The following POLR3G variants were observed in gnomAD, a reference collection of about 807,000 sequenced individuals.
POLR3G encodes RNA polymerase III subunit G.
In POLR3G, 28 loss-of-function variants were observed where a neutral mutation model predicts 30.1. The ratio of observed to expected loss-of-function variants is 0.93; its 90% CI spans 0.69 to 1.27. POLR3G has a LOEUF of 1.27. Among genes scored for constraint, POLR3G ranks in the 50% most tolerant of loss-of-function variants. The pLI is 0.00. For missense variants in POLR3G, 254 were observed against 264.6 expected (o/e 0.96, Z 0.28); for synonymous variants, 79 against 82.5 (o/e 0.96, Z 0.23).
rs1580187993 is a variant in POLR3G at position 90,475,963 on chromosome 5, G to A, written c.-44+943G>A. Reference sequence around the variant, plus strand: ...TGACCTCAAATGATCCGCCTGCCTCGGCCTCCCAAAGTGCTGGGATTACAG... The same window carrying A: ...TGACCTCAAATGATCCGCCTGCCTCAGCCTCCCAAAGTGCTGGGATTACAG... On this transcript the variant is annotated intron_variant, in intron 1 of 7. Transcript: ENST00000651687. 3.9e-5 allele frequency among the ~76,000 whole-genome samples: 6 copies of A among 152,100 alleles called. No homozygotes were observed. In the East Asian group the frequency reaches 7.7e-4, roughly 20 times the overall value.
intron 1 of POLR3G, among the ~76,000 whole-genome samples, chr5:90,475,918 C>T (rs1355327950): frequency 1.3e-5 from 2 of 152,038 alleles, no homozygotes; most frequent in Non-Finnish European, 2.9e-5. Context: ...ACCATGTTGG[C>T]CAGGCTGGTC....
intron 6 of POLR3G, chr5:90,502,525 T>G: frequency 7.1e-6 from 3 of 423,708 alleles, no homozygotes; most frequent in Non-Finnish European, 9.5e-6. Flanking sequence ...AAAAATTTAA[T>G]TTTTCAAAAA....
At chr5:90,504,871 A>G (rs779635975) in intron 6 of POLR3G, among the ~76,000 whole-genome samples, 1 of 152,346 alleles carries the variant, frequency 6.6e-6, no homozygotes, top group East Asian at 1.9e-4. Flanking sequence ...AGGGATTGCC[A>G]GTTGGAAAAA....
At chr5:90,509,696 C>T (rs1333890193) in intron 7 of POLR3G, among the ~76,000 whole-genome samples, 2 of 152,084 alleles carry the variant, frequency 1.3e-5, no homozygotes, top group Admixed American at 6.5e-5. Context: ...TGGAGAGAGG[C>T]TTGCAGGTGA....
At position 90,489,835 on chromosome 5, in the gene POLR3G, G is replaced by A. The variant is rs867369176; in HGVS notation, c.247+1706G>A. Among the ~76,000 whole-genome samples, 32 of 152,210 alleles carry A rather than the reference G, an allele frequency of 2.1e-4. 1 individual carries two copies. The highest frequency in any genetic ancestry group is 7.0e-4 in the African/African-American group (29 of 41,544). On this transcript the variant is annotated intron_variant, in intron 3 of 7. Transcript: ENST00000651687. ...AAGTATGTCAAATCAGACTGGACACGGTGGCTTACTCTTGTAATCCTAGCA... is the reference window on the plus strand; with the variant it reads ...AAGTATGTCAAATCAGACTGGACACAGTGGCTTACTCTTGTAATCCTAGCA...
At chr5:90,493,676 A>ATTT (rs70999488) in intron 3 of POLR3G, among the ~76,000 whole-genome samples, 1 of 51,466 alleles carries the variant, frequency 1.9e-5, no homozygotes, top group Non-Finnish European at 3.9e-5. Context: ...CCACTATTTA[A>ATTT]TTTTTTTTTT....
At chr5:90,481,125 A>G (rs1479999205) in intron 1 of POLR3G, among the ~76,000 whole-genome samples, 1 of 152,192 alleles carries the variant, frequency 6.6e-6, no homozygotes, top group Non-Finnish European at 1.5e-5. Flanking sequence ...CCATTTTGCA[A>G]TTCATAATGG....
intron 1 of POLR3G, among the ~76,000 whole-genome samples, chr5:90,482,482 G>A (rs933234910): frequency 2.0e-5 from 3 of 152,196 alleles, no homozygotes; most frequent in African/African-American, 7.2e-5. Context: ...AAACAAAGAC[G>A]ATAACAGACT....
rs144790113 is a variant in POLR3G at position 90,501,818 on chromosome 5, C to T, written c.356-88C>T. On this transcript the variant is annotated intron_variant, in intron 5 of 7. Transcript: ENST00000651687. ...TGTGACTGCCTAGGATGCAGTAGCA[C>T]GATGCTGGACAGCATACGCAAAGAC... 1.4e-5 allele frequency: 21 copies of T among 1,473,370 alleles called. No individual in the cohort carries two copies. In the East Asian group the frequency reaches 1.7e-4, roughly 12 times the overall value. 91.3% of individuals were successfully genotyped at this position (1,473,370 alleles called of 1,614,324 possible).
chr5:90,482,852 G>T (rs1269341343), intron 1 of POLR3G, among the ~76,000 whole-genome samples: 1 of 152,030 alleles, frequency 6.6e-6, no homozygotes, highest in African/African-American at 2.4e-5. Context: ...TAAAATCTCT[G>T]ATCTCTGGCT....
upstream of POLR3G, chr5:90,474,314 G>A: frequency 6.2e-7 from 1 of 1,607,682 alleles, no homozygotes; most frequent in East Asian, 2.2e-5. Flanking sequence ...GTGCAGCCAG[G>A]CGGGGTGAGT....
At chr5:90,474,254 G>T (rs1433432609), upstream of POLR3G, 2 of 1,613,608 alleles carry the variant, frequency 1.2e-6, no homozygotes, top group Non-Finnish European at 1.7e-6. Flanking sequence ...AGATACCATC[G>T]CCTAGAGACT....
intron 1 of POLR3G, among the ~76,000 whole-genome samples, chr5:90,480,379 TAA>T (rs1192333574): frequency 1.3e-5 from 2 of 152,194 alleles, no homozygotes; most frequent in Non-Finnish European, 2.9e-5. Context: ...AAAACTAACT[TAA>T]AGAGATGGGT....
chr5:90,497,142 A>T (rs1459820706), intron 4 of POLR3G, among the ~76,000 whole-genome samples: 1 of 152,162 alleles, frequency 6.6e-6, no homozygotes, highest in Admixed American at 6.5e-5. Flanking sequence ...AAAATTATTT[A>T]TTGGAGGAGA....
At chr5:90,490,532 G>A (rs960120834) in intron 3 of POLR3G, 14 of 333,596 alleles carry the variant, frequency 4.2e-5, no homozygotes, top group Non-Finnish European at 7.0e-5. Context: ...TTGAGTAGCT[G>A]GGACTACAGG....
chr5:90,489,905 G>A (rs1361841753), intron 3 of POLR3G, among the ~76,000 whole-genome samples: 1 of 152,052 alleles, frequency 6.6e-6, no homozygotes, highest in Non-Finnish European at 1.5e-5. Flanking sequence ...TCAGGAGTTC[G>A]AGATCAGCCT....
In POLR3G at chr5:90,488,073, T is replaced by A. The variant is rs1366712472; in HGVS notation, c.191T>A (p.Leu64Ter). The A allele has an allele frequency of 1.2e-6, 2 of 1,611,968 alleles. No homozygotes were observed. The highest frequency in any genetic ancestry group is 1.7e-5 in the Admixed American group (1 of 59,768). ...TATATGCTGGCTTTGAAACAGGAGT[T>A]GAGAGAAACAATGAAAAGAATGCCT... ...EEYMLALKQELRETMKRMPYF... is the reference protein window; with the variant it reads ...EEYMLALKQE Residue 64 changes from leucine to a stop codon, truncating the protein, a stop_gained, in exon 3 of 8, where the codon TTG becomes TAG. Transcript: ENST00000651687. LOFTEE classifies it high-confidence loss of function.
At chr5:90,510,239 G>T (rs558108016) in intron 7 of POLR3G, among the ~76,000 whole-genome samples, 3 of 152,070 alleles carry the variant, frequency 2.0e-5, no homozygotes. Context: ...TTAGCCGGGC[G>T]TGGTGGCAGG....
At chr5:90,487,485 G>A (rs1448485260) in intron 2 of POLR3G, among the ~76,000 whole-genome samples, 1 of 139,360 alleles carries the variant, frequency 7.2e-6, no homozygotes, top group Non-Finnish European at 1.5e-5. Flanking sequence ...TCCGCCTCCC[G>A]GGTTCACACC....
Sources: allele counts gnomAD v4.1 joint callset (sites outside exome capture counted in the v4.1 genomes callset), GRCh38; gene constraint gnomAD v4.1.1; transcripts MANE v1.5; gene names NCBI Gene and HGNC (gene_info 2026-07-23, HGNC 2026-07-21).